ZNF320: variants seen among roughly 807,000 people sequenced by gnomAD.
The protein encoded by ZNF320 is zinc finger gene 320.
Under a neutral mutation model 6.8 loss-of-function variants are expected in ZNF320, and 2 were observed. The observed-to-expected ratio is 0.29, with a 90% CI of 0.12 to 0.93. The LOEUF (loss-of-function observed/expected upper bound fraction) is 0.93. Among genes scored for constraint, ZNF320 ranks in the 40% least tolerant of loss-of-function variants. The pLI is 0.55. For missense variants in ZNF320, 472 were observed against 611.0 expected (o/e 0.77, Z 2.40); for synonymous variants, 208 against 203.2 (o/e 1.02, Z -0.20).
intron 5 of ZNF320, among the ~76,000 whole-genome samples, chr19:52,870,455 G>C (rs1230798233): frequency 7.0e-6 from 1 of 142,192 alleles, no homozygotes; most frequent in East Asian, 2.1e-4. Flanking sequence ...TCCAGCCTGG[G>C]CAACAGAGCC....
At chr19:52,862,612 T>C (rs946802636) in exon 6 of ZNF320, 1 of 488,396 alleles carries the variant, frequency 2.0e-6, no homozygotes, top group Admixed American at 2.9e-5. Context: ...CATGGATTGC[T>C]TGATGGTGAA....
chr19:52,865,607 G>T (rs1411605479), intron 5 of ZNF320, among the ~76,000 whole-genome samples: 3 of 114,122 alleles, frequency 2.6e-5, no homozygotes, highest in Non-Finnish European at 5.0e-5. Context: ...TTATATATGA[G>T]ATTATACATA....
chr19:52,865,485 A>T (rs1413589414), intron 5 of ZNF320: 1 of 136,084 alleles, frequency 7.3e-6, no homozygotes, highest in African/African-American at 3.0e-5. Flanking sequence ...TATATATATA[A>T]TACATATATA....
At chr19:52,883,144 C>T (rs371080849) in intron 5 of ZNF320, among the ~76,000 whole-genome samples, 6 of 152,086 alleles carry the variant, frequency 3.9e-5, no homozygotes, top group African/African-American at 1.2e-4. Flanking sequence ...TGGGTTCAAG[C>T]GAGTCTCTTG....
chr19:52,881,955 T>C lies in ZNF320; in HGVS notation c.171A>G (p.Thr57=). Residue 57 remains threonine (T), a synonymous_variant, in exon 6 of 6, where the codon ACA becomes ACG. Transcript: ENST00000682928. ...TATTGCCTTGCCCTGTTGATGACAA[T>C]GTATTCATCATGCATTTGGAAGAGA... ...LDISSKCMMN[T]LSSTGQGNTE... 3.1e-6 allele frequency: 5 copies of C among 1,606,952 alleles called. No individual in the cohort carries two copies. In the South Asian group the frequency reaches 4.5e-5, roughly 14 times the overall value.
chr19:52,861,072 A>C (rs1439273954), exon 6 of ZNF320, among the ~76,000 whole-genome samples: 1 of 152,204 alleles, frequency 6.6e-6, no homozygotes, highest in East Asian at 1.9e-4. Flanking sequence ...GAAAGAAATA[A>C]AATTGTATTT....
In ZNF320 at chr19:52,876,199, T is replaced by C. The variant is rs1188764073; in HGVS notation, c.*4397A>G. On this transcript the variant is annotated 3_prime_UTR_variant, in exon 6 of 6. Transcript: ENST00000682928. Reference sequence around the variant, plus strand: ...ATAGGCTACTTCAACTAAATTTTAATGTTAGCATAAAGAAAAAGTTCCTTG... The same window carrying C: ...ATAGGCTACTTCAACTAAATTTTAACGTTAGCATAAAGAAAAAGTTCCTTG... 2.6e-5 allele frequency: 4 copies of C among 152,186 alleles called. No individual in the cohort carries two copies. The highest frequency in any genetic ancestry group is 5.9e-5 in the Non-Finnish European group (4 of 68,028). The allele number at this position is 152,186 out of a possible 1,614,324, so 9.4% of individuals were successfully genotyped here.
At position 52,876,697 on chromosome 19, in the gene ZNF320, A is replaced by G. The variant is rs1254547553; in HGVS notation, c.*3899T>C. 6.6e-6 allele frequency: 1 copy of G among 152,156 alleles called. No homozygotes were observed. Among genetic ancestry groups the G allele is most frequent in the Non-Finnish European group, 1.5e-5 (1 of 68,050 alleles). The allele number at this position is 152,156 out of a possible 1,614,324, so 9.4% of individuals were successfully genotyped here. The stretch of plus-strand genomic sequence containing the variant: ...ATTTTGGTCAAAACGAGGATTCGCC[A>G]TGTTAGCCAGGCTGTTCTCAAATAC... On this transcript the variant is annotated 3_prime_UTR_variant, in exon 6 of 6. Coordinates refer to ENST00000682928, the MANE Select transcript of ZNF320 (RefSeq NM_001351774.2).
the ZNF320 span, among the ~76,000 whole-genome samples, chr19:52,903,661 AC>A: frequency 6.6e-6 from 1 of 151,028 alleles, no homozygotes; most frequent in Non-Finnish European, 1.5e-5. Context: ...AAATTCTTTA[AC>A]ATATTTCTTA....
At chr19:52,887,033 GAAAA>G (rs2064113249) in intron 5 of ZNF320, among the ~76,000 whole-genome samples, 2 of 121,878 alleles carry the variant, frequency 1.6e-5, no homozygotes, top group South Asian at 2.6e-4. Context: ...CAAAAGAAAA[GAAAA>G]GAAGTAAATA....
At chr19:52,898,505 G>A (rs2064537768), upstream of ZNF320, among the ~76,000 whole-genome samples, 1 of 152,190 alleles carries the variant, frequency 6.6e-6, no homozygotes, top group Non-Finnish European at 1.5e-5. Context: ...TTTAAAAAAA[G>A]CATTGACATT....
Position 52,881,098 on chromosome 19 carries a change from T to C in ZNF320, c.1028A>G (p.His343Arg). The C allele has an allele frequency of 6.2e-7, 1 of 1,614,178 alleles. No individual in the cohort carries two copies. Among genetic ancestry groups the C allele is most frequent in the Non-Finnish European group, 8.5e-7 (1 of 1,180,030 alleles). ...ATGAATCCTCCTATGTCTTTCAAGATGTGATTTGCGACTGAAAACTTTGTC... is the reference window on the plus strand; with the variant it reads ...ATGAATCCTCCTATGTCTTTCAAGACGTGATTTGCGACTGAAAACTTTGTC... The part of the protein sequence containing the change: ...ECDKVFSRKS[H>R]LERHRRIHTG... The change falls in exon 6 of 6, where the codon CAT becomes CGT. Residue 343 changes from histidine to arginine, a missense_variant. This residue lies in a region of ZNF320 where 462 missense variants were observed against 559.7 expected (regional missense o/e 0.83). Coordinates refer to ENST00000682928, the MANE Select transcript of ZNF320 (RefSeq NM_001351774.2).
upstream of ZNF320, among the ~76,000 whole-genome samples, chr19:52,902,178 T>A (rs1244895090): frequency 5.9e-5 from 9 of 152,216 alleles, no homozygotes; most frequent in Non-Finnish European, 8.8e-5. Flanking sequence ...GCTCACTGCA[T>A]CCTTTCAGGT....
rs1568703072 is a variant in ZNF320, at chr19:52,876,247, G to GA, written c.*4348dup. 6.6e-6 allele frequency: 1 copy of GA among 152,068 alleles called. No homozygotes were observed. The highest frequency in any genetic ancestry group is 1.5e-5 in the Non-Finnish European group (1 of 68,004). The allele number at this position is 152,068 out of a possible 1,614,324, so 9.4% of individuals were successfully genotyped here. ...TTGATATCTTTATCAAGTACACATC[G>GA]AAACAACCTAAAATCATTTATCAGG... On this transcript the variant is annotated 3_prime_UTR_variant, in exon 6 of 6. Transcript: ENST00000682928.
chr19:52,859,494 G>A (rs1231374646), downstream of ZNF320, among the ~76,000 whole-genome samples: 2 of 152,262 alleles, frequency 1.3e-5, no homozygotes, highest in Admixed American at 6.5e-5. Flanking sequence ...CAGAATACAC[G>A]ATTAATTATA....
rs546736165 is a variant in ZNF320 at position 52,889,524 on chromosome 19, C to T, written c.15+717G>A. Among the ~76,000 whole-genome samples the T allele has an allele frequency of 1.2e-3, 185 of 151,816 alleles. 1 individual carries two copies. The highest frequency in any genetic ancestry group is 2.2e-3 in the Non-Finnish European group (151 of 67,938). ...ATCCTCTAGGATAAAAAAGAAGTAC[C>T]GCTGCCATATTTGAGAAAAATTGTA... is the stretch of plus-strand genomic sequence containing the variant. On this transcript the variant is annotated intron_variant, in intron 4 of 5. Transcript: ENST00000682928.
At chr19:52,894,039 G>A (rs141863767) in intron 1 of ZNF320, 183 bp from the exon 2 acceptor site, 1 of 152,078 alleles carries the variant, frequency 6.6e-6, no homozygotes, top group East Asian at 1.9e-4. Flanking sequence ...GTAACTAAAT[G>A]GAAAAACTCA....
chr19:52,862,045 G>C (rs1245802065), exon 6 of ZNF320: 2 of 378,570 alleles, frequency 5.3e-6, no homozygotes, highest in Non-Finnish European at 1.1e-5. Context: ...CTGATGAACT[G>C]CAAGTTATGA....
At chr19:52,872,753 G>C (rs537283219), downstream of ZNF320, among the ~76,000 whole-genome samples, 1 of 151,958 alleles carries the variant, frequency 6.6e-6, no homozygotes, top group Non-Finnish European at 1.5e-5. Context: ...TGCCTGCCTC[G>C]GCCTCCCAAA....
Sources: gnomAD v4.1 joint callset for allele counts (sites outside exome capture counted in the v4.1 genomes callset) on GRCh38, gnomAD v4.1.1 for gene constraint, gnomAD v4.1.1 regional missense constraint, MANE v1.5 for transcripts, NCBI Gene and HGNC (gene_info 2026-07-23, HGNC 2026-07-21) for gene names.